Variants in NFIL3 observed in about 807,000 individuals in gnomAD.
NFIL3 encodes nuclear factor, interleukin 3 regulated, also known as nuclear factor interleukin-3-regulated protein.
NFIL3 carries 5 observed loss-of-function variants against 10.0 expected under a neutral mutation model. The ratio of observed to expected loss-of-function variants is 0.50; its 90% CI spans 0.26 to 1.06. The LOEUF (loss-of-function observed/expected upper bound fraction) is 1.06. Ranked by LOEUF, NFIL3 falls within the 50% of genes least tolerant of loss-of-function variation. NFIL3 has a pLI of 0.13. For synonymous variants in NFIL3, 202 were observed against 206.5 expected, an observed-to-expected ratio of 0.98 and a Z score of 0.19; for missense variants, 436 against 547.6, an observed-to-expected ratio of 0.80 and a Z score of 2.03.
At chr9:91,420,864 A>G (rs1833749232) in intron 1 of NFIL3, among the ~76,000 whole-genome samples, 1 of 152,068 alleles carries the variant, frequency 6.6e-6, no homozygotes, top group Non-Finnish European at 1.5e-5. Flanking sequence ...TCTGGAGATC[A>G]GTGTTCTCTC....
upstream of NFIL3, among the ~76,000 whole-genome samples, chr9:91,424,749 G>T (rs1156235450): frequency 6.6e-6 from 1 of 152,256 alleles, no homozygotes; most frequent in African/African-American, 2.4e-5. Flanking sequence ...GAAGGTCCGC[G>T]CTCGGGTGCC....
At chr9:91,482,052 C>T in the NFIL3 span, among the ~76,000 whole-genome samples, 2 of 152,090 alleles carry the variant, frequency 1.3e-5, no homozygotes, top group African/African-American at 4.8e-5. Flanking sequence ...CATACTTTGC[C>T]CGTGGGAACA....
the NFIL3 span, among the ~76,000 whole-genome samples, chr9:91,439,931 A>AT: frequency 6.6e-6 from 1 of 151,924 alleles, no homozygotes; most frequent in Admixed American, 6.6e-5. Flanking sequence ...TTAATTGAGA[A>AT]TTTTTTGCAT....
the NFIL3 span, among the ~76,000 whole-genome samples, chr9:91,482,690 C>A: frequency 6.6e-6 from 1 of 151,982 alleles, no homozygotes; most frequent in Non-Finnish European, 1.5e-5. Flanking sequence ...TTAGTGCAGA[C>A]GAGATTTTGC....
intron 1 of NFIL3, among the ~76,000 whole-genome samples, chr9:91,419,738 C>T (rs1268730206): frequency 3.3e-5 from 5 of 152,172 alleles, no homozygotes; most frequent in Non-Finnish European, 7.3e-5. Flanking sequence ...TATCTCTTTT[C>T]TGAAGAATGA....
At chr9:91,473,079 G>A in the NFIL3 span, among the ~76,000 whole-genome samples, 2 of 152,186 alleles carry the variant, frequency 1.3e-5, no homozygotes, top group African/African-American at 4.8e-5. Context: ...TCCCATGGAA[G>A]CTGCATCTCA....
chr9:91,428,266 G>GT (rs1214514116), upstream of NFIL3, among the ~76,000 whole-genome samples: 1 of 151,840 alleles, frequency 6.6e-6, no homozygotes, highest in Non-Finnish European at 1.5e-5. Context: ...ATTATTCTTA[G>GT]TTTTTTCCTT....
chr9:91,457,132 A>C, the NFIL3 span, among the ~76,000 whole-genome samples: 4 of 152,022 alleles, frequency 2.6e-5, no homozygotes, highest in African/African-American at 9.7e-5. Context: ...CCTTTACAAT[A>C]ATGCTTAAAA....
At chr9:91,480,441 T>A in the NFIL3 span, among the ~76,000 whole-genome samples, 66,508 of 151,886 alleles carry the variant, frequency 0.44, 18,402 homozygotes, top group African/African-American at 0.78. Flanking sequence ...GCAGGGAAAG[T>A]TTGAACTGGT....
chr9:91,409,603 G>T lies in NFIL3; in HGVS notation c.1132C>A (p.Leu378Ile). ...GTCACTTGCACTGAGAAAGGAGTAA[G>T]AGAAGAATGTACCATACTTGGGGCA... ...HSAPSMVHSS[L>I]TPFSVQVTNI... Residue 378 changes from leucine to isoleucine, a missense_variant, in exon 2 of 2, where the codon CTT (leucine) becomes ATT (isoleucine). By Grantham distance (5) the Leu-to-Ile change is conservative (BLOSUM62 2). This residue lies in a region of NFIL3 where 338 missense variants were observed against 399.9 expected (regional missense o/e 0.85). Coordinates refer to ENST00000297689, the MANE Select transcript of NFIL3 (RefSeq NM_005384.3). The T allele has an allele frequency of 6.2e-7, 1 of 1,614,232 alleles. No individual in the cohort carries two copies. Among genetic ancestry groups the T allele is most frequent in the Non-Finnish European group, 8.5e-7 (1 of 1,180,022 alleles).
At position 91,409,522 on chromosome 9, in the gene NFIL3, C is replaced by T. The variant is rs753390947; in HGVS notation, c.1213G>A (p.Gly405Ser). The T allele has an allele frequency of 6.2e-7, 1 of 1,613,802 alleles. No individual in the cohort carries two copies. Reference sequence around the variant, plus strand: ...GTTTTGAAACTATTCTGAGTTTTGCCACTCAGTTCTTTTTGATGCCAGTGC... The same window carrying T: ...GTTTTGAAACTATTCTGAGTTTTGCTACTCAGTTCTTTTTGATGCCAGTGC... The part of the protein sequence containing the change: ...SEHWHQKELS[G>S]KTQNSFKTGV... Residue 405 changes from glycine (G) to serine (S), a missense_variant, in exon 2 of 2, where the codon GGC becomes AGC. Coordinates refer to ENST00000297689, the MANE Select transcript of NFIL3 (RefSeq NM_005384.3).
the NFIL3 span, among the ~76,000 whole-genome samples, chr9:91,446,266 G>A: frequency 6.6e-6 from 1 of 152,168 alleles, no homozygotes; most frequent in East Asian, 1.9e-4. Flanking sequence ...GCGACCAGTT[G>A]GTGGAGGCAA....
intron 1 of NFIL3, among the ~76,000 whole-genome samples, chr9:91,413,731 A>C (rs1052531947): frequency 6.6e-6 from 1 of 152,350 alleles, no homozygotes; most frequent in Admixed American, 6.5e-5. Flanking sequence ...CAGTTAAAGA[A>C]GACAATTGCA....
At chr9:91,440,927 A>G in the NFIL3 span, among the ~76,000 whole-genome samples, 4 of 152,128 alleles carry the variant, frequency 2.6e-5, no homozygotes, top group Non-Finnish European at 5.9e-5. Flanking sequence ...CCTAACATAC[A>G]GTGTATCCTG....
chr9:91,411,046 T>C (rs1470774227), intron 1 of NFIL3, 140 bp from the exon 2 acceptor site: 7 of 421,962 alleles, frequency 1.7e-5, no homozygotes, highest in Admixed American at 1.6e-4. Context: ...TTCAACAAGT[T>C]AGCATTTTCA....
At chr9:91,424,871 G>C (rs10991927), upstream of NFIL3, among the ~76,000 whole-genome samples, 1,327 of 152,334 alleles carry the variant, frequency 8.7e-3, 21 homozygotes, top group African/African-American at 0.03. Flanking sequence ...CGTCTAACTG[G>C]ATACGGTAGT....
the NFIL3 span, among the ~76,000 whole-genome samples, chr9:91,445,045 C>T: frequency 6.6e-6 from 1 of 152,102 alleles, no homozygotes; most frequent in Admixed American, 6.5e-5. Context: ...CTTTAGTTCT[C>T]TAATAAAGCT....
At chr9:91,441,256 TG>T in the NFIL3 span, among the ~76,000 whole-genome samples, 1 of 152,144 alleles carries the variant, frequency 6.6e-6, no homozygotes, top group Non-Finnish European at 1.5e-5. Context: ...CATTAAATAA[TG>T]ACTTTTTTTG....
In NFIL3 at chr9:91,409,888, C is replaced by T; in HGVS notation, c.847G>A (p.Gly283Arg). The change falls in exon 2 of 2, where the codon GGA (glycine) becomes AGA (arginine). Residue 283 changes from glycine to arginine, a missense_variant. By Grantham distance (125) the Gly-to-Arg change is moderately radical. This residue lies in a region of NFIL3 where 338 missense variants were observed against 399.9 expected (regional missense o/e 0.85). Transcript: ENST00000297689. ...RTSETDDGVV[G>R]KSSDGEDEQQ... Reference sequence around the variant, plus strand: ...TCGTCTTCTCCATCAGATGACTTTCCTACCACACCATCATCAGTTTCCGAC... The same window carrying T: ...TCGTCTTCTCCATCAGATGACTTTCTTACCACACCATCATCAGTTTCCGAC... The T allele has an allele frequency of 6.2e-7, 1 of 1,613,974 alleles. No individual in the cohort carries two copies. The highest frequency in any genetic ancestry group is 8.5e-7 in the Non-Finnish European group (1 of 1,179,982).
Sources: gnomAD v4.1 joint callset for allele counts (sites outside exome capture counted in the v4.1 genomes callset) on GRCh38, gnomAD v4.1.1 for gene constraint, gnomAD v4.1.1 regional missense constraint, MANE v1.5 for transcripts, NCBI Gene and HGNC (gene_info 2026-07-23, HGNC 2026-07-21) for gene names.